Variants in SLIT2 observed in about 807,000 individuals in gnomAD.
SLIT2 encodes the protein slit guidance ligand 2, also known as slit homolog 2 protein.
SLIT2 carries 41 observed loss-of-function variants against 185.7 expected under a neutral mutation model. The ratio of observed to expected loss-of-function variants is 0.22; its 90% CI spans 0.17 to 0.29. The LOEUF is 0.29. Among genes scored for constraint, SLIT2 ranks in the 10% least tolerant of loss-of-function variants. The probability of loss-of-function intolerance (pLI) is 1.00; values close to 1 mark genes in which losing one functional copy is unlikely to be tolerated. For synonymous variants in SLIT2, 693 were observed against 680.2 expected (o/e 1.02, Z -0.29); for missense variants, 1,571 against 1,909.0 (o/e 0.82, Z 3.30).
At chr4:20,475,250 A>C (rs191743771) in intron 5 of SLIT2, among the ~76,000 whole-genome samples, 2 of 151,546 alleles carry the variant, frequency 1.3e-5, no homozygotes, top group African/African-American at 4.8e-5. Context: ...TTACCTCCAT[A>C]GGAAATACCC....
intron 4 of SLIT2, among the ~76,000 whole-genome samples, chr4:20,385,050 G>C (rs1032937863): frequency 6.6e-6 from 1 of 151,930 alleles, no homozygotes; most frequent in African/African-American, 2.4e-5. Flanking sequence ...TCTCTTCTTG[G>C]GTATCTTACA....
chr4:20,575,195 A>T (rs532514024), intron 29 of SLIT2, among the ~76,000 whole-genome samples: 3 of 152,318 alleles, frequency 2.0e-5, no homozygotes, highest in Non-Finnish European at 1.5e-5. Flanking sequence ...TTAAATCGCC[A>T]TGTGGTTTCA....
intron 5 of SLIT2, 51 bp from the exon 6 acceptor site, chr4:20,480,665 C>A: frequency 7.1e-7 from 1 of 1,411,344 alleles, no homozygotes; most frequent in South Asian, 1.2e-5. Flanking sequence ...CATCACCTAC[C>A]CCAGCTACTG....
intron 4 of SLIT2, among the ~76,000 whole-genome samples, chr4:20,292,214 G>A (rs1716023007): frequency 6.6e-6 from 1 of 152,110 alleles, no homozygotes; most frequent in African/African-American, 2.4e-5. Context: ...TGTCTGCTCT[G>A]CCTCTGGGAT....
chr4:20,268,938 T>C (rs1713314350), intron 4 of SLIT2, 57 bp downstream of exon 4: 3 of 1,035,284 alleles, frequency 2.9e-6, no homozygotes, highest in Non-Finnish European at 4.6e-6. Flanking sequence ...TTTTATTAAA[T>C]GTATTTTGGA....
intron 9 of SLIT2, 32 bp downstream of exon 9, chr4:20,491,931 A>G: frequency 1.2e-6 from 2 of 1,600,556 alleles, no homozygotes; most frequent in Non-Finnish European, 1.7e-6. Flanking sequence ...TTATCTCCCC[A>G]CCTTCCCGGT....
Position 20,447,594 on chromosome 4 carries a change from A to T in SLIT2, c.396-20158A>T, listed in dbSNP as rs148829085. ...AGGAGCAGGCTGTAGCCTGTGTTTC[A>T]TGTAAGGAAAACGGTTGCAAACTGT... On this transcript the variant is annotated intron_variant, in intron 4 of 36. Coordinates refer to ENST00000504154, the MANE Select transcript of SLIT2 (RefSeq NM_004787.4). Among the ~76,000 whole-genome samples, 166 of 152,314 alleles carry T rather than the reference A, an allele frequency of 1.1e-3. 1 individual carries two copies. Among genetic ancestry groups the T allele is most frequent in the Non-Finnish European group, 1.9e-3 (132 of 68,028 alleles).
At chr4:20,459,185 AC>A (rs1560440615) in intron 4 of SLIT2, among the ~76,000 whole-genome samples, 2 of 152,174 alleles carry the variant, frequency 1.3e-5, no homozygotes, top group South Asian at 2.1e-4. Flanking sequence ...CCTAAAAAAA[AC>A]CTCATTAATA....
intron 4 of SLIT2, chr4:20,393,794 G>A (rs1205239405): frequency 6.6e-6 from 1 of 152,020 alleles, no homozygotes; most frequent in Non-Finnish European, 1.5e-5. Flanking sequence ...GACTTTGAAA[G>A]CTTATGCTCA....
intron 29 of SLIT2, among the ~76,000 whole-genome samples, chr4:20,582,536 G>A (rs973547665): frequency 3.9e-5 from 6 of 152,142 alleles, no homozygotes; most frequent in Non-Finnish European, 2.9e-5. Flanking sequence ...CCCACACACT[G>A]AATCCCTCTT....
rs1233944042 is a variant in SLIT2, at chr4:20,389,249, T to G, written c.396-78503T>G. On this transcript the variant is annotated intron_variant, in intron 4 of 36. Transcript: ENST00000504154. ...TTATAGGGTATTATTATCATCAATA[T>G]ATTATTGTAATTATTATTATTGAAG... 4.6e-5 allele frequency among the ~76,000 whole-genome samples: 7 copies of G among 152,022 alleles called. No homozygotes were observed. The East Asian group carries it at 1.4e-3, about 29-fold the overall frequency.
At chr4:20,281,120 A>T (rs902044131) in intron 4 of SLIT2, among the ~76,000 whole-genome samples, 1 of 152,200 alleles carries the variant, frequency 6.6e-6, no homozygotes, top group Non-Finnish European at 1.5e-5. Context: ...GGCGTGAGCC[A>T]CTGCACCCAG....
At chr4:20,537,978 G>A (rs2148872027) in intron 18 of SLIT2, among the ~76,000 whole-genome samples, 1 of 152,144 alleles carries the variant, frequency 6.6e-6, no homozygotes, top group Admixed American at 6.5e-5. Context: ...TTATTTATTT[G>A]AGACGGAGTC....
At chr4:20,301,951 C>T (rs1000932593) in intron 4 of SLIT2, among the ~76,000 whole-genome samples, 3 of 152,086 alleles carry the variant, frequency 2.0e-5, no homozygotes, top group Non-Finnish European at 4.4e-5. Context: ...AATAATCAAG[C>T]CTTGCCTTGT....
rs757893454 is a variant in SLIT2, at chr4:20,480,749, A to G, written c.501A>G (p.Glu167=). The G allele has an allele frequency of 2.9e-5, 46 of 1,613,630 alleles. No individual in the cohort carries two copies. The East Asian group carries it at 9.8e-4, about 34-fold the overall frequency. ...QLDYNQISCI[E]DGAFRALRDL... ...ATTACAACCAGATCAGCTGTATTGAAGATGGGGCATTCAGGGCTCTCCGGG... is the reference window on the plus strand; with the variant it reads ...ATTACAACCAGATCAGCTGTATTGAGGATGGGGCATTCAGGGCTCTCCGGG... Residue 167 remains glutamate, a synonymous_variant, in exon 6 of 37, where the codon GAA becomes GAG. Coordinates refer to ENST00000504154, the MANE Select transcript of SLIT2 (RefSeq NM_004787.4).
At chr4:20,561,584 G>T (rs1025109679) in intron 26 of SLIT2, among the ~76,000 whole-genome samples, 1 of 151,560 alleles carries the variant, frequency 6.6e-6, no homozygotes. Flanking sequence ...CAGTTTTGAA[G>T]CATTATTTAG....
intron 33 of SLIT2, 43 bp downstream of exon 33, chr4:20,598,438 T>G: frequency 6.2e-7 from 1 of 1,608,536 alleles, no homozygotes; most frequent in Non-Finnish European, 8.5e-7. Context: ...AAAAATTGCT[T>G]AATGAAGAAC....
At chr4:20,519,567 A>G (rs1162158951) in intron 12 of SLIT2, 114 bp downstream of exon 12, 1 of 646,346 alleles carries the variant, frequency 1.5e-6, no homozygotes, top group African/African-American at 1.8e-5. Context: ...GATACAGTTT[A>G]ACAAAATAGA....
chr4:20,358,478 G>A (rs981564464), intron 4 of SLIT2, among the ~76,000 whole-genome samples: 1 of 152,030 alleles, frequency 6.6e-6, no homozygotes, highest in Non-Finnish European at 1.5e-5. Flanking sequence ...TGACGAGGTA[G>A]GTAGAGTATC....
Sources: gnomAD v4.1 joint callset for allele counts (sites outside exome capture counted in the v4.1 genomes callset) on GRCh38, gnomAD v4.1.1 for gene constraint, MANE v1.5 for transcripts, NCBI Gene and HGNC (gene_info 2026-07-23, HGNC 2026-07-21) for gene names.